The following LRP1B variants were observed in gnomAD, a reference collection of about 807,000 sequenced individuals.
The protein encoded by LRP1B is low-density lipoprotein receptor-related protein 1B.
In LRP1B, 217 loss-of-function variants were observed where a neutral mutation model predicts 556.6. That is an observed-to-expected ratio of 0.39 (90% CI 0.35 to 0.44). The LOEUF (loss-of-function observed/expected upper bound fraction) is 0.44, where lower values mean the gene tolerates loss of function less well. Ranked by LOEUF, LRP1B falls within the 20% of genes least tolerant of loss-of-function variation. LRP1B has a pLI of 1.00. For synonymous variants in LRP1B, 2,047 were observed against 1,865.8 expected (o/e 1.10, Z -2.50); for missense variants, 5,053 against 5,620.8 (o/e 0.90, Z 3.23).
chr2:141,945,487 T>G (rs1700926536), intron 1 of LRP1B, among the ~76,000 whole-genome samples: 1 of 151,904 alleles, frequency 6.6e-6, no homozygotes, highest in African/African-American at 2.4e-5. Context: ...GTATTATCAT[T>G]TTGAAACTGA....
intron 3 of LRP1B, among the ~76,000 whole-genome samples, chr2:141,266,309 G>T (rs1468465891): frequency 6.9e-6 from 1 of 144,880 alleles, no homozygotes; most frequent in Non-Finnish European, 1.5e-5. Flanking sequence ...GAGTGATGGA[G>T]CGAGACTCTG....
intron 66 of LRP1B, among the ~76,000 whole-genome samples, chr2:140,416,876 A>G (rs1685225678): frequency 6.6e-6 from 1 of 152,136 alleles, no homozygotes; most frequent in Admixed American, 6.5e-5. Context: ...TTTCAGTCAC[A>G]GTTTTGGAAA....
chr2:140,430,382 G>T (rs1366448107), intron 66 of LRP1B, among the ~76,000 whole-genome samples: 1 of 152,180 alleles, frequency 6.6e-6, no homozygotes, highest in East Asian at 1.9e-4. Context: ...CTACTCAAAG[G>T]TCCTCCATCA....
intron 35 of LRP1B, among the ~76,000 whole-genome samples, chr2:140,718,053 T>G (rs1215388666): frequency 6.6e-6 from 1 of 152,092 alleles, no homozygotes; most frequent in Non-Finnish European, 1.5e-5. Flanking sequence ...ATAAATCTTA[T>G]TTTTGCATAA....
chr2:140,956,785 G>C (rs943134700), intron 18 of LRP1B, among the ~76,000 whole-genome samples: 4 of 151,696 alleles, frequency 2.6e-5, no homozygotes, highest in Admixed American at 2.6e-4. Context: ...AGGTAAATGT[G>C]GGTTCAAATC....
intron 1 of LRP1B, among the ~76,000 whole-genome samples, chr2:141,875,505 A>G (rs890561982): frequency 6.6e-6 from 1 of 151,992 alleles, no homozygotes; most frequent in African/African-American, 2.4e-5. Context: ...TATAATATAC[A>G]TCTTACAGTA....
chr2:140,874,725 A>G (rs542812964), intron 25 of LRP1B, among the ~76,000 whole-genome samples: 1 of 152,108 alleles, frequency 6.6e-6, no homozygotes, highest in Non-Finnish European at 1.5e-5. Context: ...CCTGGGTCTA[A>G]AAAGGACACC....
At chr2:141,961,110 TAA>T (rs1701392566) in intron 1 of LRP1B, among the ~76,000 whole-genome samples, 1 of 151,804 alleles carries the variant, frequency 6.6e-6, no homozygotes, top group Non-Finnish European at 1.5e-5. Context: ...TAATTATTTA[TAA>T]AATTACTTGG....
At chr2:141,765,689 C>A (rs1471705582) in intron 2 of LRP1B, among the ~76,000 whole-genome samples, 1 of 152,136 alleles carries the variant, frequency 6.6e-6, no homozygotes, top group Non-Finnish European at 1.5e-5. Flanking sequence ...ACACATAAAC[C>A]CTTTTTCAGC....
chr2:141,339,640 T>C (rs1687981811), intron 3 of LRP1B, among the ~76,000 whole-genome samples: 1 of 152,194 alleles, frequency 6.6e-6, no homozygotes, highest in Non-Finnish European at 1.5e-5. Flanking sequence ...TTGTATATTC[T>C]CTAACCACTG....
chr2:141,860,479 T>C (rs1698202555), intron 1 of LRP1B, among the ~76,000 whole-genome samples: 1 of 152,154 alleles, frequency 6.6e-6, no homozygotes, highest in Non-Finnish European at 1.5e-5. Flanking sequence ...AATTTACCTT[T>C]ACTAGTTCTT....
At chr2:142,018,928 A>C (rs2105172114) in intron 1 of LRP1B, among the ~76,000 whole-genome samples, 1 of 152,262 alleles carries the variant, frequency 6.6e-6, no homozygotes, top group South Asian at 2.1e-4. Context: ...AATTTAATTA[A>C]AACGCACAGT....
chr2:140,516,928 G>A lies in LRP1B; in HGVS notation c.8110C>T (p.Gln2704Ter), dbSNP rs748087795. Residue 2704 changes from glutamine (Q) to a stop codon, truncating the protein, a stop_gained, in exon 50 of 91, where the codon CAG becomes TAG. Transcript: ENST00000389484. LOFTEE classifies it high-confidence loss of function. ...TCACGTCCATCCTCACAATCTTTCT[G>A]ACCATCGCATATCCAGGTATTCAAA... Reference protein sequence around the residue: ...CILNTWICDGQKDCEDGRDEF... With the variant: ...CILNTWICDG 1 of 1,613,054 alleles carries A rather than the reference G, an allele frequency of 6.2e-7. No homozygotes were observed. Among genetic ancestry groups the A allele is most frequent in the South Asian group, 1.1e-5 (1 of 91,052 alleles).
chr2:141,721,132 C>A lies in LRP1B; in HGVS notation c.205+89147G>T, dbSNP rs1692796590. 2.0e-5 allele frequency among the ~76,000 whole-genome samples: 3 copies of A among 152,242 alleles called. 1 individual carries two copies. The South Asian group carries it at 6.2e-4, about 32-fold the overall frequency. On this transcript the variant is annotated intron_variant, in intron 2 of 90. Coordinates refer to ENST00000389484, the MANE Select transcript of LRP1B (RefSeq NM_018557.3). ...CCAATAGTCACTCATCCTTCACAAG[C>A]AAAGGGGATGCTGAAACTGACTATA...
intron 3 of LRP1B, among the ~76,000 whole-genome samples, chr2:141,335,565 A>G (rs1687818186): frequency 6.6e-6 from 1 of 152,218 alleles, no homozygotes; most frequent in Non-Finnish European, 1.5e-5. Flanking sequence ...AAGCATAGTC[A>G]GATATGACAT....
chr2:141,894,806 T>G (rs1699395582), intron 1 of LRP1B, among the ~76,000 whole-genome samples: 1 of 151,956 alleles, frequency 6.6e-6, no homozygotes, highest in Admixed American at 6.6e-5. Context: ...TCCCAGCACC[T>G]TGGGAGGCTG....
In LRP1B at chr2:140,373,001, C is replaced by T. The variant is rs369898187; in HGVS notation, c.10768+7G>A. ...AACTAAATGATATATTACTTCAATCCTTTTACCTGGCTCACAGCTTTTCTC... is the reference window on the plus strand; with the variant it reads ...AACTAAATGATATATTACTTCAATCTTTTTACCTGGCTCACAGCTTTTCTC... On this transcript the variant is annotated splice_region_variant and intron_variant, in intron 69 of 90. Transcript: ENST00000389484. The T allele has an allele frequency of 6.2e-7, 1 of 1,612,424 alleles. No individual in the cohort carries two copies. The highest frequency in any genetic ancestry group is 8.5e-7 in the Non-Finnish European group (1 of 1,179,292).
intron 2 of LRP1B, among the ~76,000 whole-genome samples, chr2:141,579,723 A>ATTTTTTTTTTTTTTTTTTTTTTT (rs1559153915): frequency 3.2e-5 from 1 of 31,148 alleles, no homozygotes. Flanking sequence ...ATCAGGTTTC[A>ATTTTTTTTTTTTTTTTTTTTTTT]CTTTTTTTTT....
intron 49 of LRP1B, among the ~76,000 whole-genome samples, chr2:140,522,005 T>A (rs1690199412): frequency 6.6e-6 from 1 of 151,984 alleles, no homozygotes; most frequent in East Asian, 1.9e-4. Flanking sequence ...CAGAATTCAA[T>A]ACTCCAGTGA....
Sources: gnomAD v4.1 joint callset for allele counts (sites outside exome capture counted in the v4.1 genomes callset) on GRCh38, gnomAD v4.1.1 for gene constraint, MANE v1.5 for transcripts, NCBI Gene and HGNC (gene_info 2026-07-23, HGNC 2026-07-21) for gene names.